Variants in GRIK2 observed in about 807,000 individuals in gnomAD.
GRIK2 encodes the protein glutamate receptor ionotropic, kainate 2.
Under a neutral mutation model 100.3 loss-of-function variants are expected in GRIK2, and 32 were observed. The ratio of observed to expected loss-of-function variants is 0.32; its 90% CI spans 0.24 to 0.43. The LOEUF is 0.43. Among genes scored for constraint, GRIK2 ranks in the 20% least tolerant of loss-of-function variants. The pLI, the probability that GRIK2 is intolerant of heterozygous loss-of-function variation, is 1.00. For missense variants in GRIK2, 843 were observed against 1,114.9 expected (o/e 0.76, Z 3.47); for synonymous variants, 417 against 389.4 (o/e 1.07, Z -0.83).
At chr6:101,432,298 T>C (rs979939540) in intron 2 of GRIK2, among the ~76,000 whole-genome samples, 1 of 152,226 alleles carries the variant, frequency 6.6e-6, no homozygotes, top group Admixed American at 6.5e-5. Flanking sequence ...AACCTTATGC[T>C]GTCTCTGACT....
chr6:101,828,954 C>G (rs117035898), intron 10 of GRIK2, among the ~76,000 whole-genome samples: 1 of 151,868 alleles, frequency 6.6e-6, no homozygotes, highest in Admixed American at 6.6e-5. Context: ...GGCAAAGATA[C>G]AACAAAGAAG....
chr6:101,673,419 C>T (rs956068354), intron 4 of GRIK2, among the ~76,000 whole-genome samples: 1 of 152,158 alleles, frequency 6.6e-6, no homozygotes, highest in Admixed American at 6.6e-5. Flanking sequence ...ACTACAGATT[C>T]CAAGTGGGCA....
intron 11 of GRIK2, among the ~76,000 whole-genome samples, chr6:101,886,387 T>A (rs1335464306): frequency 1.3e-5 from 2 of 152,076 alleles, no homozygotes; most frequent in Non-Finnish European, 2.9e-5. Context: ...TCCTTTTTTT[T>A]AAGTGGCTAA....
At chr6:101,797,854 A>T (rs1023668789) in intron 7 of GRIK2, among the ~76,000 whole-genome samples, 1 of 148,736 alleles carries the variant, frequency 6.7e-6, no homozygotes, top group African/African-American at 2.4e-5. Flanking sequence ...TATATATATA[A>T]AATGATTTAT....
At chr6:101,907,689 A>G (rs140137474) in intron 12 of GRIK2, among the ~76,000 whole-genome samples, 234 of 150,906 alleles carry the variant, frequency 1.6e-3, no homozygotes, top group African/African-American at 5.6e-3. Flanking sequence ...TCTTCATAAT[A>G]TTTAATGTTA....
At chr6:102,047,838 C>T (rs1166545202) in intron 15 of GRIK2, among the ~76,000 whole-genome samples, 2 of 151,748 alleles carry the variant, frequency 1.3e-5, no homozygotes, top group Non-Finnish European at 2.9e-5. Context: ...TGTAATTTCT[C>T]ATAAAAAATA....
At chr6:101,553,263 T>C (rs1407681155) in intron 2 of GRIK2, among the ~76,000 whole-genome samples, 1 of 152,188 alleles carries the variant, frequency 6.6e-6, no homozygotes, top group Non-Finnish European at 1.5e-5. Flanking sequence ...TATTAAATAT[T>C]TTCAGCATTC....
intron 2 of GRIK2, among the ~76,000 whole-genome samples, chr6:101,441,789 T>G (rs1421362051): frequency 6.6e-6 from 1 of 152,116 alleles, no homozygotes; most frequent in Non-Finnish European, 1.5e-5. Context: ...TCCTTCAAAC[T>G]TTTACCCTCA....
chr6:101,659,506 C>T (rs539536870), intron 4 of GRIK2, among the ~76,000 whole-genome samples: 30 of 152,004 alleles, frequency 2.0e-4, no homozygotes, highest in African/African-American at 7.0e-4. Flanking sequence ...AATTTGATCT[C>T]GTCATTATGA....
chr6:101,748,483 CA>C (rs2128382687), intron 7 of GRIK2, among the ~76,000 whole-genome samples: 1 of 151,986 alleles, frequency 6.6e-6, no homozygotes, highest in African/African-American at 2.4e-5. Flanking sequence ...ATCAAATTGC[CA>C]TTTTTTGGTA....
At chr6:101,456,019 TGAACTTGATCTG>T (rs1770990649) in intron 2 of GRIK2, among the ~76,000 whole-genome samples, 1 of 151,682 alleles carries the variant, frequency 6.6e-6, no homozygotes, top group South Asian at 2.1e-4. Flanking sequence ...GTTTGATTCA[TGAACTTGATCTG>T]GAACACAAAA....
intron 7 of GRIK2, among the ~76,000 whole-genome samples, chr6:101,749,579 G>C (rs1270906475): frequency 2.0e-5 from 3 of 151,942 alleles, no homozygotes; most frequent in Non-Finnish European, 4.4e-5. Flanking sequence ...GATGATAGTA[G>C]TCTATCAATG....
intron 13 of GRIK2, among the ~76,000 whole-genome samples, chr6:101,926,203 T>G (rs201837268): frequency 0.21 from 30,311 of 142,352 alleles, 4,039 homozygotes; most frequent in Non-Finnish European, 0.31. Context: ...GGGTTTTTTT[T>G]TTTTTTTTTT....
chr6:101,818,332 T>C (rs1442316723), intron 9 of GRIK2, 38 bp from the exon 10 acceptor site: 1 of 1,152,234 alleles, frequency 8.7e-7, no homozygotes, highest in South Asian at 1.3e-5. Flanking sequence ...ACCACGTGCC[T>C]GATGGACAAT....
At position 101,686,269 on chromosome 6, in the gene GRIK2, C is replaced by T. The variant is rs779520631; in HGVS notation, c.867C>T (p.Val289=). ...FRILNTENTQ[V]SSIIEKWSME... is the part of the protein sequence containing the mutation. ...TATTAAATACAGAAAATACCCAAGT[C>T]TCCTCCATCATTGAAAAGTGGTCGA... The change falls in exon 7 of 17, where the codon GTC becomes GTT. Residue 289 remains valine (V), a synonymous_variant. Coordinates refer to ENST00000369134, the MANE Select transcript of GRIK2 (RefSeq NM_021956.5). 4 of 1,612,754 alleles carry T rather than the reference C, an allele frequency of 2.5e-6. No homozygotes were observed. The Admixed American group carries it at 6.7e-5, about 27-fold the overall frequency.
chr6:102,028,303 G>A lies in GRIK2; in HGVS notation c.2086-7038G>A, dbSNP rs1430335058. Among the ~76,000 whole-genome samples the A allele has an allele frequency of 4.6e-5, 7 of 150,902 alleles. No homozygotes were observed. The Admixed American group carries it at 4.7e-4, about 10-fold the overall frequency. ...TTTGACAAAAATACATTATTTTGTT[G>A]ATGTTTCACAATCCATGAAAACTGC... On this transcript the variant is annotated intron_variant, in intron 14 of 16. Coordinates refer to ENST00000369134, the MANE Select transcript of GRIK2 (RefSeq NM_021956.5).
At chr6:101,626,186 T>A (rs1780428104) in intron 3 of GRIK2, among the ~76,000 whole-genome samples, 194 bp from the exon 4 acceptor site, 2 of 152,186 alleles carry the variant, frequency 1.3e-5, no homozygotes, top group Admixed American at 1.3e-4. Context: ...CAGGGTGAGT[T>A]AATTCCCTTG....
intron 14 of GRIK2, among the ~76,000 whole-genome samples, chr6:102,024,008 G>T (rs1327229965): frequency 2.0e-5 from 3 of 151,040 alleles, no homozygotes; most frequent in Non-Finnish European, 3.0e-5. Context: ...AAACAAAGTG[G>T]GGAGAAAAAA....
intron 2 of GRIK2, among the ~76,000 whole-genome samples, chr6:101,451,743 G>A (rs1582480228): frequency 6.6e-6 from 1 of 151,214 alleles, no homozygotes. Context: ...TTTAAGAAAG[G>A]TGAAATAATA....
Sources: allele counts gnomAD v4.1 joint callset (sites outside exome capture counted in the v4.1 genomes callset), GRCh38; gene constraint gnomAD v4.1.1; transcripts MANE v1.5; gene names NCBI Gene and HGNC (gene_info 2026-07-23, HGNC 2026-07-21).